PROB1: variants seen among roughly 807,000 people sequenced by gnomAD.
PROB1 encodes the protein proline rich basic protein 1.
For missense variants in PROB1, 1,453 were observed against 1,485.7 expected, an observed-to-expected ratio of 0.98 and a Z score of 0.36; for synonymous variants, 660 against 699.3, an observed-to-expected ratio of 0.94 and a Z score of 0.89.
chr5:139,391,998 CAA>C lies in PROB1; in HGVS notation c.*34_*35del. ...TGGATGCCAGAACCTCCCAGGCATC[CAA>C]GGGCTCCAACTCCATGGGGATCGGC... On this transcript the variant is annotated 3_prime_UTR_variant, in exon 1 of 1. Transcript: ENST00000434752. The surrounding 1 kb of genome is among the most constrained non-coding windows in gnomAD (Gnocchi z 4.8). 1 of 1,337,580 alleles carries C rather than the reference CAA, an allele frequency of 7.5e-7. No homozygotes were observed. Among genetic ancestry groups the C allele is most frequent in the Non-Finnish European group, 9.6e-7 (1 of 1,037,696 alleles). 82.9% of individuals were successfully genotyped at this position (1,337,580 alleles called of 1,614,324 possible). A position where few individuals can be genotyped will look rare whatever the true frequency, so the allele number is the denominator to read the frequency against.
Position 139,392,451 on chromosome 5 carries a change from C to A in PROB1, c.2631G>T (p.Ala877=). ...SQGARRQPGA[A]PLGKVLVDPE... Reference sequence around the variant, plus strand: ...GGTCCACCAAGACCTTCCCCAGGGGCGCGGCCCCGGGCTGCCTGCGCGCTC... The same window carrying A: ...GGTCCACCAAGACCTTCCCCAGGGGAGCGGCCCCGGGCTGCCTGCGCGCTC... Residue 877 remains alanine, a synonymous_variant, in exon 1 of 1, where the codon GCG becomes GCT. Transcript: ENST00000434752. This position sits in a 1 kb window ranked among gnomAD's most constrained non-coding sequence, Gnocchi z 5.8. 7.0e-7 allele frequency: 1 copy of A among 1,426,344 alleles called. No individual in the cohort carries two copies. Among genetic ancestry groups the A allele is most frequent in the Non-Finnish European group, 9.2e-7 (1 of 1,091,538 alleles). 88.4% of individuals were successfully genotyped at this position (1,426,344 alleles called of 1,614,324 possible). A position where few individuals can be genotyped will look rare whatever the true frequency, so the allele number is the denominator to read the frequency against.
chr5:139,394,171 T>C lies in PROB1; in HGVS notation c.911A>G (p.Asp304Gly), dbSNP rs570826510. ...CGGGGCCTTGGCGGGGGCCGAATTATCTCGTACGCGAAGTGGCCGAGACTT... is the reference window on the plus strand; with the variant it reads ...CGGGGCCTTGGCGGGGGCCGAATTACCTCGTACGCGAAGTGGCCGAGACTT... ...KAKSRPLRVR[D>G]NSAPAKAPRP... The change falls in exon 1 of 1, where the codon GAT (aspartate) becomes GGT (glycine). Residue 304 changes from aspartate to glycine, a missense_variant. Coordinates refer to ENST00000434752, the MANE Select transcript of PROB1 (RefSeq NM_001161546.2). 4.5e-6 allele frequency: 7 copies of C among 1,546,160 alleles called. No homozygotes were observed. The highest frequency in any genetic ancestry group is 1.7e-4 in the Middle Eastern group (1 of 5,974).
In PROB1 at chr5:139,392,675, A is replaced by G; in HGVS notation, c.2407T>C (p.Ser803Pro). Residue 803 changes from serine (S) to proline (P), a missense_variant, in exon 1 of 1, where the codon TCC (serine) becomes CCC (proline). Physicochemically the swap from Ser to Pro is moderately conservative, Grantham distance 74. Transcript: ENST00000434752. The surrounding 1 kb of genome is among the most constrained non-coding windows in gnomAD (Gnocchi z 5.8). The stretch of plus-strand genomic sequence containing the variant: ...CTCGGGCTGGCTTGCATCTGAGGGG[A>G]GCCGGGGCGGGGCGATCGGACCCCT... ...PAGVRSPRPG[S>P]PQMQASPSPG... 7.2e-7 allele frequency: 1 copy of G among 1,396,796 alleles called. No homozygotes were observed. The allele number at this position is 1,396,796 out of a possible 1,614,324, so 86.5% of individuals were successfully genotyped here.
chr5:139,395,004 G>A lies in PROB1; in HGVS notation c.78C>T (p.Asp26=), dbSNP rs950748823. ...AGTAGGAGCCTGACGAACCGGAGGAGTCCTGGCGCCGCGCGGGGGCCGTGG... is the reference window on the plus strand; with the variant it reads ...AGTAGGAGCCTGACGAACCGGAGGAATCCTGGCGCCGCGCGGGGGCCGTGG... ...QLPTAPARRQ[D]SSGSSGSYYT... The change falls in exon 1 of 1, where the codon GAC becomes GAT. Residue 26 remains aspartate (D), a synonymous_variant. Coordinates refer to ENST00000434752, the MANE Select transcript of PROB1 (RefSeq NM_001161546.2). 1.3e-5 allele frequency: 19 copies of A among 1,481,608 alleles called. No homozygotes were observed. The African/African-American group carries it at 2.7e-4, about 21-fold the overall frequency. 91.8% of individuals were successfully genotyped at this position (1,481,608 alleles called of 1,614,324 possible).
chr5:139,394,824 C>A lies in PROB1; in HGVS notation c.258G>T (p.Ser86=). 1.3e-6 allele frequency: 2 copies of A among 1,529,966 alleles called. No individual in the cohort carries two copies. The highest frequency in any genetic ancestry group is 1.8e-6 in the Non-Finnish European group (2 of 1,138,594). 94.8% of individuals were successfully genotyped at this position (1,529,966 alleles called of 1,614,324 possible). ...QNSRQRHGPG[S]GFPRGPGSGP... ...CGGAACCTGGGCCTCGCGGGAAACC[C>A]GAGCCGGGCCCGTGCCGCTGGCGGC... The change falls in exon 1 of 1, where the codon TCG becomes TCT. Residue 86 remains serine, a synonymous_variant. Coordinates refer to ENST00000434752, the MANE Select transcript of PROB1 (RefSeq NM_001161546.2).
rs558803433 is a variant in PROB1, at chr5:139,392,476, C to T, written c.2606G>A (p.Gly869Glu). 12 of 1,385,860 alleles carry T rather than the reference C, an allele frequency of 8.7e-6. No individual in the cohort carries two copies. The highest frequency in any genetic ancestry group is 1.1e-5 in the Non-Finnish European group (12 of 1,073,642). 85.8% of individuals were successfully genotyped at this position (1,385,860 alleles called of 1,614,324 possible). ...TDRSPQSPSQ[G>E]ARRQPGAAPL... ...CGCGGCCCCGGGCTGCCTGCGCGCT[C>T]CCTGGGAGGGGCTTTGCGGGGACCG... The change falls in exon 1 of 1, where the codon GGA (glycine) becomes GAA (glutamate). Residue 869 changes from glycine (G) to glutamate (E), a missense_variant. By Grantham distance (98) the Gly-to-Glu change is moderately conservative. Coordinates refer to ENST00000434752, the MANE Select transcript of PROB1 (RefSeq NM_001161546.2). The surrounding 1 kb of genome is among the most constrained non-coding windows in gnomAD (Gnocchi z 5.8).
rs1397020593 is a variant in PROB1 at position 139,393,936 on chromosome 5, C to A, written c.1146G>T (p.Glu382Asp). Residue 382 changes from glutamate to aspartate, a missense_variant, in exon 1 of 1, where the codon GAG becomes GAT. Physicochemically the swap from Glu to Asp is conservative, Grantham distance 45. Coordinates refer to ENST00000434752, the MANE Select transcript of PROB1 (RefSeq NM_001161546.2). ...SPPFECRIPS[E>D]VPSRAVRPRS... Reference sequence around the variant, plus strand: ...TTGGCCTCACAGCCCTACTCGGAACCTCCGAGGGGATCCTACACTCAAAAG... The same window carrying A: ...TTGGCCTCACAGCCCTACTCGGAACATCCGAGGGGATCCTACACTCAAAAG... 6.4e-7 allele frequency: 1 copy of A among 1,550,922 alleles called. No homozygotes were observed. Among genetic ancestry groups the A allele is most frequent in the Non-Finnish European group, 8.7e-7 (1 of 1,147,000 alleles).
At position 139,392,114 on chromosome 5, in the gene PROB1, C is replaced by T; in HGVS notation, c.2968G>A (p.Ala990Thr). The stretch of plus-strand genomic sequence containing the variant: ...GGCGCACAGAGGAGCAGAGGAGGTG[C>T]GGGGTTGGGGGTCCCGCTCACCGGC... ...YLPVSGTPNP[A>T]PPLLLCAPPS... is the part of the protein sequence containing the mutation. The change falls in exon 1 of 1, where the codon GCA (alanine) becomes ACA (threonine). Residue 990 changes from alanine to threonine, a missense_variant. Ala to Thr is a moderately conservative substitution (Grantham distance 58). Transcript: ENST00000434752. This position sits in a 1 kb window ranked among gnomAD's most constrained non-coding sequence, Gnocchi z 5.8. 1 of 1,415,764 alleles carries T rather than the reference C, an allele frequency of 7.1e-7. No individual in the cohort carries two copies. Among genetic ancestry groups the T allele is most frequent in the Non-Finnish European group, 9.2e-7 (1 of 1,081,808 alleles). 87.7% of individuals were successfully genotyped at this position (1,415,764 alleles called of 1,614,324 possible). A position where few individuals can be genotyped will look rare whatever the true frequency, so the allele number is the denominator to read the frequency against.
Position 139,394,732 on chromosome 5 carries a change from A to C in PROB1, c.350T>G (p.Val117Gly). The C allele has an allele frequency of 6.5e-7, 1 of 1,532,710 alleles. No homozygotes were observed. Among genetic ancestry groups the C allele is most frequent in the Non-Finnish European group, 8.7e-7 (1 of 1,143,824 alleles). The allele number at this position is 1,532,710 out of a possible 1,614,324, so 94.9% of individuals were successfully genotyped here. The stretch of plus-strand genomic sequence containing the variant: ...GCCGGAGCAGCCGAACAGGGGTCCG[A>C]CGCCGAAGATGACTTCCATCTCCCC... ...PSGEMEVIFG[V>G]GPLFGCSGAD... is the part of the protein sequence containing the mutation. The change falls in exon 1 of 1, where the codon GTC becomes GGC. Residue 117 changes from valine (V) to glycine (G), a missense_variant. Val to Gly is a moderately radical substitution (Grantham distance 109). Coordinates refer to ENST00000434752, the MANE Select transcript of PROB1 (RefSeq NM_001161546.2).
At position 139,394,186 on chromosome 5, in the gene PROB1, G is replaced by A; in HGVS notation, c.896C>T (p.Pro299Leu). The change falls in exon 1 of 1, where the codon CCA (proline) becomes CTA (leucine). Residue 299 changes from proline (P) to leucine (L), a missense_variant. Transcript: ENST00000434752. ...HVVLEKAKSR[P>L]LRVRDNSAPA... ...GGCCGAATTATCTCGTACGCGAAGT[G>A]GCCGAGACTTAGCCTTCTCCAGGAC... 6.5e-7 allele frequency: 1 copy of A among 1,547,390 alleles called. No homozygotes were observed. The highest frequency in any genetic ancestry group is 8.7e-7 in the Non-Finnish European group (1 of 1,144,566).
Position 139,394,598 on chromosome 5 carries a change from C to T in PROB1, c.484G>A (p.Asp162Asn). 2 of 1,531,790 alleles carry T rather than the reference C, an allele frequency of 1.3e-6. No individual in the cohort carries two copies. Among genetic ancestry groups the T allele is most frequent in the South Asian group, 1.2e-5 (1 of 83,768 alleles). The allele number at this position is 1,531,790 out of a possible 1,614,324, so 94.9% of individuals were successfully genotyped here. Residue 162 changes from aspartate to asparagine, a missense_variant, in exon 1 of 1, where the codon GAT becomes AAT. Physicochemically the swap from Asp to Asn is conservative, Grantham distance 23 (BLOSUM62 1). Transcript: ENST00000434752. The stretch of plus-strand genomic sequence containing the variant: ...TAGGTGGCCCAGCGGGAGCCACCAT[C>T]GGGGACCTGGGACTGGCGTGGGACC... ...AAVPRQSQVP[D>N]GGSRWATYLE...
In PROB1 at chr5:139,394,817, G is replaced by A. The variant is rs917586305; in HGVS notation, c.265C>T (p.Pro89Ser). ...RQRHGPGSGF[P>S]RGPGSGPRPP... ...CGTGGGCCGGAACCTGGGCCTCGCG[G>A]GAAACCCGAGCCGGGCCCGTGCCGC... The change falls in exon 1 of 1, where the codon CCG (proline) becomes TCG (serine). Residue 89 changes from proline to serine, a missense_variant. Physicochemically the swap from Pro to Ser is moderately conservative, Grantham distance 74. Transcript: ENST00000434752. The A allele has an allele frequency of 6.0e-5, 92 of 1,529,974 alleles. No homozygotes were observed. Among genetic ancestry groups the A allele is most frequent in the Non-Finnish European group, 7.2e-5 (82 of 1,138,754 alleles). The allele number at this position is 1,529,974 out of a possible 1,614,324, so 94.8% of individuals were successfully genotyped here. A position where few individuals can be genotyped will look rare whatever the true frequency, so the allele number is the denominator to read the frequency against.
rs949064951 is a variant in PROB1, at chr5:139,395,043, G to C, written c.39C>G (p.Ile13Met). 6.3e-6 allele frequency: 9 copies of C among 1,429,534 alleles called. No individual in the cohort carries two copies. The highest frequency in any genetic ancestry group is 6.1e-5 in the African/African-American group (4 of 65,960). The allele number at this position is 1,429,534 out of a possible 1,614,324, so 88.6% of individuals were successfully genotyped here. A position where few individuals can be genotyped will look rare whatever the true frequency, so the allele number is the denominator to read the frequency against. Residue 13 changes from isoleucine (I) to methionine (M), a missense_variant, in exon 1 of 1, where the codon ATC becomes ATG. Transcript: ENST00000434752. ...CGGGGGCCGTGGGCAGCTGCCTCGG[G>C]ATCCCAGGCAGGGCTGGCGGGGCGA... Reference protein sequence around the residue: ...TALAPPALPGIPRQLPTAPAR... With the variant: ...TALAPPALPGMPRQLPTAPAR...
chr5:139,393,955 T>C lies in PROB1; in HGVS notation c.1127A>G (p.Glu376Gly). ...CGGAACCTCCGAGGGGATCCTACAC[T>C]CAAAAGGCGGACTCCGTGCCCTCTG... ...TVQRARSPPF[E>G]CRIPSEVPSR... Residue 376 changes from glutamate to glycine, a missense_variant, in exon 1 of 1, where the codon GAG (glutamate) becomes GGG (glycine). By Grantham distance (98) the Glu-to-Gly change is moderately conservative (BLOSUM62 -2). Coordinates refer to ENST00000434752, the MANE Select transcript of PROB1 (RefSeq NM_001161546.2). 1 of 1,550,644 alleles carries C rather than the reference T, an allele frequency of 6.4e-7. No individual in the cohort carries two copies. The highest frequency in any genetic ancestry group is 8.7e-7 in the Non-Finnish European group (1 of 1,146,970).
rs1037866644 is a variant in PROB1 at position 139,392,011 on chromosome 5, T to A, written c.*23A>T. ...CTCCCAGGCATCCAAGGGCTCCAAC[T>A]CCATGGGGATCGGCCCGGGGCCTCA... On this transcript the variant is annotated 3_prime_UTR_variant, in exon 1 of 1. Transcript: ENST00000434752. This position sits in a 1 kb window ranked among gnomAD's most constrained non-coding sequence, Gnocchi z 5.8. 1 of 1,363,094 alleles carries A rather than the reference T, an allele frequency of 7.3e-7. No homozygotes were observed. The highest frequency in any genetic ancestry group is 9.5e-7 in the Non-Finnish European group (1 of 1,052,658). The allele number at this position is 1,363,094 out of a possible 1,614,324, so 84.4% of individuals were successfully genotyped here. A position where few individuals can be genotyped will look rare whatever the true frequency, so the allele number is the denominator to read the frequency against.
In PROB1 at chr5:139,392,382, A is replaced by C; in HGVS notation, c.2700T>G (p.Pro900=). 1 of 1,521,266 alleles carries C rather than the reference A, an allele frequency of 6.6e-7. No homozygotes were observed. The highest frequency in any genetic ancestry group is 8.8e-7 in the Non-Finnish European group (1 of 1,136,102). 94.2% of individuals were successfully genotyped at this position (1,521,266 alleles called of 1,614,324 possible). The change falls in exon 1 of 1, where the codon CCT becomes CCG. Residue 900 remains proline, a synonymous_variant. Transcript: ENST00000434752. This position sits in a 1 kb window ranked among gnomAD's most constrained non-coding sequence, Gnocchi z 5.8. ...CAGGGTCGAAGAGCACCCGCAGCCG[A>C]GGCTGCCGCGGCGCCTCCACAAAGT... ...RYYFVEAPRQ[P]RLRVLFDPES... is the part of the protein sequence containing the mutation.
chr5:139,391,375 T>A lies in PROB1; in HGVS notation c.*659A>T, dbSNP rs1758599153. On this transcript the variant is annotated 3_prime_UTR_variant, in exon 1 of 1. Transcript: ENST00000434752. This position sits in a 1 kb window ranked among gnomAD's most constrained non-coding sequence, Gnocchi z 4.8. ...CATCTTCCCACCCCAAGTTCCAGGC[T>A]AACCCCCAACCCAGGCCCTCCCTGT... 1 of 152,500 alleles carries A rather than the reference T, an allele frequency of 6.6e-6. No individual in the cohort carries two copies. The highest frequency in any genetic ancestry group is 2.4e-5 in the African/African-American group (1 of 41,410). 9.4% of individuals were successfully genotyped at this position (152,500 alleles called of 1,614,324 possible).
rs1758599865 is a variant in PROB1 at position 139,391,439 on chromosome 5, G to C, written c.*595C>G. 6.6e-6 allele frequency: 1 copy of C among 152,574 alleles called. No homozygotes were observed. Among genetic ancestry groups the C allele is most frequent in the African/African-American group, 2.4e-5 (1 of 41,432 alleles). The allele number at this position is 152,574 out of a possible 1,614,324, so 9.5% of individuals were successfully genotyped here. On this transcript the variant is annotated 3_prime_UTR_variant, in exon 1 of 1. Coordinates refer to ENST00000434752, the MANE Select transcript of PROB1 (RefSeq NM_001161546.2). The surrounding 1 kb of genome is among the most constrained non-coding windows in gnomAD (Gnocchi z 4.8). ...CCTCCACCTGCTGTCCCCCGCCTTA[G>C]CTCTTTCTCGGAGCCAGCCTGGCCT...
Position 139,392,614 on chromosome 5 carries a change from G to C in PROB1, c.2468C>G (p.Thr823Arg), listed in dbSNP as rs1290194625. The stretch of plus-strand genomic sequence containing the variant: ...GACGGCAGCCGCGGGCTCGGGGGCC[G>C]TAGGTGGTGTCTTCGGTTTGGGTGC... Reference protein sequence around the residue: ...GIAPKPKTPPTAPEPAAAVQA... With the variant: ...GIAPKPKTPPRAPEPAAAVQA... The change falls in exon 1 of 1, where the codon ACG becomes AGG. Residue 823 changes from threonine to arginine, a missense_variant. Transcript: ENST00000434752. The surrounding 1 kb of genome is among the most constrained non-coding windows in gnomAD (Gnocchi z 5.8). The C allele has an allele frequency of 7.3e-7, 1 of 1,378,260 alleles. No homozygotes were observed. The highest frequency in any genetic ancestry group is 3.9e-5 in the Admixed American group (1 of 25,902). The allele number at this position is 1,378,260 out of a possible 1,614,324, so 85.4% of individuals were successfully genotyped here.
Sources: gnomAD v4.1 joint callset for allele counts on GRCh38, gnomAD v4.1.1 for gene constraint, Gnocchi (gnomAD v3.1) non-coding constraint, MANE v1.5 for transcripts, NCBI Gene and HGNC (gene_info 2026-07-23, HGNC 2026-07-21) for gene names.